Variants in PITPNB observed in about 807,000 individuals in gnomAD.
The protein encoded by PITPNB is phosphatidylinositol transfer protein beta isoform.
Under a neutral mutation model 45.9 loss-of-function variants are expected in PITPNB, and 16 were observed. The ratio of observed to expected loss-of-function variants is 0.35; its 90% confidence interval spans 0.24 to 0.53. PITPNB has a LOEUF of 0.53. Among genes scored for constraint, PITPNB ranks in the 20% least tolerant of loss-of-function variants. The probability of loss-of-function intolerance (pLI) is 0.93; values close to 1 mark genes in which losing one functional copy is unlikely to be tolerated. For missense variants in PITPNB, 188 were observed against 330.5 expected, an observed-to-expected ratio of 0.57 and a Z score of 3.34; for synonymous variants, 112 against 108.9, an observed-to-expected ratio of 1.03 and a Z score of -0.18.
rs768573550 is a variant in PITPNB at position 27,914,375 on chromosome 22, T to C, written c.21-28A>G. 32 of 1,419,678 alleles carry C rather than the reference T, an allele frequency of 2.3e-5. No individual in the cohort carries two copies. In the Admixed American group the frequency reaches 5.5e-4, roughly 25 times the overall value. The allele number at this position is 1,419,678 out of a possible 1,614,324, so 87.9% of individuals were successfully genotyped here. A position where few individuals can be genotyped will look rare whatever the true frequency, so the allele number is the denominator to read the frequency against. ...AAAAAGACAAAAGAAAAAATATATA[T>C]ATTACATATGAAATAGCTTTAAACA... On this transcript the variant is annotated intron_variant, in intron 1 of 11. Coordinates refer to ENST00000335272, the MANE Select transcript of PITPNB (RefSeq NM_012399.5).
chr22:27,858,128 A>T (rs967501398), intron 10 of PITPNB, among the ~76,000 whole-genome samples: 5 of 152,192 alleles, frequency 3.3e-5, no homozygotes, highest in African/African-American at 1.2e-4. Flanking sequence ...AGAATACAGA[A>T]CCATTAGATA....
intron 7 of PITPNB, among the ~76,000 whole-genome samples, chr22:27,878,359 AGAGT>A (rs1934877940): frequency 6.6e-6 from 1 of 152,232 alleles, no homozygotes; most frequent in South Asian, 2.1e-4. Flanking sequence ...GAGACTCCAA[AGAGT>A]AAGTAAGCCC....
chr22:27,902,267 A>C (rs1219644275), intron 3 of PITPNB, among the ~76,000 whole-genome samples: 1 of 152,100 alleles, frequency 6.6e-6, no homozygotes, highest in African/African-American at 2.4e-5. Flanking sequence ...ACAGGTCCTA[A>C]GACAGCAAAA....
At chr22:27,896,732 A>G in intron 5 of PITPNB, 106 bp from the exon 6 acceptor site, 1 of 701,324 alleles carries the variant, frequency 1.4e-6, no homozygotes, top group Non-Finnish European at 2.5e-6. Context: ...TTGACTCTAC[A>G]AGGAGACTGA....
At chr22:27,916,683 G>T (rs1936085856) in intron 1 of PITPNB, among the ~76,000 whole-genome samples, 1 of 152,016 alleles carries the variant, frequency 6.6e-6, no homozygotes, top group Non-Finnish European at 1.5e-5. Context: ...TGCGCCTGTA[G>T]TCCCAGCTAC....
At chr22:27,901,215 C>G (rs536905930) in intron 3 of PITPNB, among the ~76,000 whole-genome samples, 1 of 152,318 alleles carries the variant, frequency 6.6e-6, no homozygotes, top group East Asian at 1.9e-4. Flanking sequence ...CCGCTTCTCC[C>G]ACTCTGAATA....
chr22:27,865,864 A>T (rs182492272), intron 8 of PITPNB, among the ~76,000 whole-genome samples: 4 of 152,286 alleles, frequency 2.6e-5, no homozygotes, highest in African/African-American at 4.8e-5. Flanking sequence ...TAAAAGTTTT[A>T]AAAAAATGTT....
chr22:27,892,722 A>T (rs1935315234), intron 7 of PITPNB, among the ~76,000 whole-genome samples: 1 of 152,262 alleles, frequency 6.6e-6, no homozygotes, highest in South Asian at 2.1e-4. Context: ...TCATTTCTAC[A>T]GATTGAAAAA....
chr22:27,896,998 G>T (rs879082188), intron 5 of PITPNB, 132 bp downstream of exon 5: 4 of 743,160 alleles, frequency 5.4e-6, no homozygotes, highest in Non-Finnish European at 9.8e-6. Flanking sequence ...AGAGTGTGGC[G>T]GCTGGTTGGT....
chr22:27,860,633 A>C (rs1425758170), intron 8 of PITPNB: 2 of 159,282 alleles, frequency 1.3e-5, no homozygotes, highest in African/African-American at 4.8e-5. Context: ...ATGACAAGGA[A>C]GTTCAGCCTT....
At chr22:27,899,454 C>T (rs1463739403) in intron 3 of PITPNB, among the ~76,000 whole-genome samples, 1 of 151,988 alleles carries the variant, frequency 6.6e-6, no homozygotes, top group Non-Finnish European at 1.5e-5. Flanking sequence ...TCCCGAATAG[C>T]TGGGGGTACA....
At chr22:27,865,707 G>C (rs1270124141) in intron 8 of PITPNB, among the ~76,000 whole-genome samples, 2 of 152,224 alleles carry the variant, frequency 1.3e-5, no homozygotes, top group East Asian at 1.9e-4. Context: ...GTTGCGCGGA[G>C]GGTGAAAGGA....
chr22:27,910,938 A>C, intron 3 of PITPNB, 26 bp downstream of exon 3: 1 of 1,588,122 alleles, frequency 6.3e-7, no homozygotes, highest in South Asian at 1.1e-5. Context: ...GGTAGTTACA[A>C]GGCGTCAAAT....
intron 7 of PITPNB, among the ~76,000 whole-genome samples, chr22:27,885,212 T>TTAAAAAAAAAAAAAAAAAAAAAAAAAAA (rs1569019261): frequency 3.3e-5 from 1 of 30,192 alleles, no homozygotes; most frequent in East Asian, 1.2e-3. Flanking sequence ...AATTTATACC[T>TTAAAAAAAAAAAAAAAAAAAAAAAAAAA]AAAAAAAAAA....
intron 3 of PITPNB, among the ~76,000 whole-genome samples, chr22:27,900,827 G>T (rs1405532184): frequency 6.6e-6 from 1 of 152,148 alleles, no homozygotes; most frequent in Non-Finnish European, 1.5e-5. Flanking sequence ...TTAGTAAAAT[G>T]CAGCAGATTC....
Position 27,919,248 on chromosome 22 carries a change from G to C in PITPNB, c.-57C>G, listed in dbSNP as rs1438611658. ...TACCACCGCCGCCGCCGCCGCTACC[G>C]CCTCTCACAGCGCCTGCGCGGCCCC... On this transcript the variant is annotated 5_prime_UTR_variant, in exon 1 of 12. Coordinates refer to ENST00000335272, the MANE Select transcript of PITPNB (RefSeq NM_012399.5). The C allele has an allele frequency of 8.8e-6, 13 of 1,481,212 alleles. No homozygotes were observed. The highest frequency in any genetic ancestry group is 1.2e-5 in the Non-Finnish European group (13 of 1,061,974). The allele number at this position is 1,481,212 out of a possible 1,614,324, so 91.8% of individuals were successfully genotyped here. A position where few individuals can be genotyped will look rare whatever the true frequency, so the allele number is the denominator to read the frequency against.
chr22:27,882,297 C>T (rs535105850), intron 7 of PITPNB, among the ~76,000 whole-genome samples: 2 of 151,926 alleles, frequency 1.3e-5, no homozygotes, highest in South Asian at 2.1e-4. Flanking sequence ...AGATTGCTCA[C>T]TAAAAAAACT....
chr22:27,872,999 G>A lies in PITPNB; in HGVS notation c.534+739C>T, dbSNP rs552809617. ...AAAACAACTACTGGCTGGGCGCAGT[G>A]GCTCATGCCTGTAATCCCAACACTT... On this transcript the variant is annotated intron_variant, in intron 8 of 11. Coordinates refer to ENST00000335272, the MANE Select transcript of PITPNB (RefSeq NM_012399.5). Among the ~76,000 whole-genome samples, 5 of 152,368 alleles carry A rather than the reference G, an allele frequency of 3.3e-5. No individual in the cohort carries two copies. The East Asian group carries it at 9.6e-4, about 29-fold the overall frequency.
chr22:27,885,501 T>C (rs1159536030), intron 7 of PITPNB, among the ~76,000 whole-genome samples: 6 of 152,152 alleles, frequency 3.9e-5, no homozygotes, highest in Non-Finnish European at 8.8e-5. Flanking sequence ...TATTTGCTCA[T>C]TTAGAAACAA....
Sources: allele counts gnomAD v4.1 joint callset (sites outside exome capture counted in the v4.1 genomes callset), GRCh38; gene constraint gnomAD v4.1.1; transcripts MANE v1.5; gene names NCBI Gene and HGNC (gene_info 2026-07-23, HGNC 2026-07-21).